DNAH8: variants seen among roughly 807,000 people sequenced by gnomAD.
DNAH8 encodes axonemal beta dynein heavy chain 8.
Under a neutral mutation model 562.1 loss-of-function variants are expected in DNAH8, and 382 were observed. The ratio of observed to expected loss-of-function variants is 0.68; its 90% CI spans 0.63 to 0.74. DNAH8 has a LOEUF of 0.74. DNAH8 is among the 30% of genes least tolerant of loss of function. The probability of loss-of-function intolerance (pLI) is 0.00; values close to 1 mark genes in which losing one functional copy is unlikely to be tolerated. For missense variants in DNAH8, 5,203 were observed against 5,620.4 expected, an observed-to-expected ratio of 0.93 and a Z score of 2.37; for synonymous variants, 1,881 against 1,919.4, an observed-to-expected ratio of 0.98 and a Z score of 0.52.
intron 8 of DNAH8, among the ~76,000 whole-genome samples, chr6:38,742,379 C>G (rs1764588468): frequency 6.6e-6 from 1 of 152,140 alleles, no homozygotes; most frequent in Admixed American, 6.6e-5. Flanking sequence ...CTCACTGCAG[C>G]CTCCACCTCC....
At chr6:39,026,986 T>C (rs1767336822) in intron 92 of DNAH8, among the ~76,000 whole-genome samples, 1 of 152,076 alleles carries the variant, frequency 6.6e-6, no homozygotes, top group Non-Finnish European at 1.5e-5. Context: ...TTTGGGAGGC[T>C]GAGGCAGGAG....
chr6:38,789,311 A>G (rs570194787), intron 18 of DNAH8, among the ~76,000 whole-genome samples: 1 of 152,348 alleles, frequency 6.6e-6, no homozygotes, highest in Admixed American at 6.5e-5. Flanking sequence ...ACAGTGTAGT[A>G]AATTACAAAA....
intron 88 of DNAH8, among the ~76,000 whole-genome samples, chr6:39,004,248 T>G (rs1765661236): frequency 6.6e-6 from 1 of 152,092 alleles, no homozygotes; most frequent in Non-Finnish European, 1.5e-5. Flanking sequence ...TGAACATATT[T>G]ACTTTCCTTT....
chr6:38,875,622 C>G lies in DNAH8; in HGVS notation c.7652C>G (p.Ser2551Cys). Reference sequence around the variant, plus strand: ...AATCTTCTGGAAGGGTTAATTCCCTCCAAAGAAGAAGGCGGTGTTTCCTGT... The same window carrying G: ...AATCTTCTGGAAGGGTTAATTCCCTGCAAAGAAGAAGGCGGTGTTTCCTGT... Reference protein sequence around the residue: ...SLNLLEGLIPSKEEGGVSCVE... With the variant: ...SLNLLEGLIPCKEEGGVSCVE... Residue 2551 changes from serine to cysteine, a missense_variant, in exon 53 of 93, where the codon TCC becomes TGC. Ser to Cys is a moderately radical substitution (Grantham distance 112, BLOSUM62 -1). Around this residue, in one of 6 missense-constraint regions of DNAH8, gnomAD observed 977 missense variants for 1,061.8 expected, o/e 0.92. Coordinates refer to ENST00000327475, the MANE Select transcript of DNAH8 (RefSeq NM_001206927.2). 3.1e-6 allele frequency: 5 copies of G among 1,612,290 alleles called. No individual in the cohort carries two copies. Among genetic ancestry groups the G allele is most frequent in the Non-Finnish European group, 3.4e-6 (4 of 1,178,672 alleles).
At chr6:39,009,610 T>C (rs1230996959) in intron 89 of DNAH8, among the ~76,000 whole-genome samples, 1 of 152,198 alleles carries the variant, frequency 6.6e-6, no homozygotes, top group Non-Finnish European at 1.5e-5. Context: ...CTGTCCGAAG[T>C]GCTTCATACA....
At chr6:38,788,273 T>A (rs1361125492) in intron 18 of DNAH8, among the ~76,000 whole-genome samples, 1 of 152,014 alleles carries the variant, frequency 6.6e-6, no homozygotes, top group Non-Finnish European at 1.5e-5. Flanking sequence ...TGCTTCAGCC[T>A]CCCGAATAGC....
At chr6:38,741,473 A>C (rs1764515429) in intron 7 of DNAH8, among the ~76,000 whole-genome samples, 1 of 149,124 alleles carries the variant, frequency 6.7e-6, no homozygotes, top group Admixed American at 6.7e-5. Flanking sequence ...AAAAAAAAAA[A>C]CCCAAAATAA....
At chr6:38,806,735 C>A (rs1017428857) in intron 23 of DNAH8, among the ~76,000 whole-genome samples, 3 of 151,728 alleles carry the variant, frequency 2.0e-5, no homozygotes, top group African/African-American at 7.3e-5. Context: ...GAGCCGAGAT[C>A]GCGCCACTGC....
intron 82 of DNAH8, among the ~76,000 whole-genome samples, chr6:38,958,158 C>A (rs890399412): frequency 6.9e-6 from 1 of 145,618 alleles, no homozygotes; most frequent in African/African-American, 2.6e-5. Context: ...CCAGCCACCA[C>A]GCCTGACTAA....
At chr6:38,874,089 T>TTTCC (rs1777744050) in intron 52 of DNAH8, among the ~76,000 whole-genome samples, 1 of 127,656 alleles carries the variant, frequency 7.8e-6, no homozygotes, top group African/African-American at 3.0e-5. Flanking sequence ...TCTTTCTTTC[T>TTTCC]TTCTTTCTCT....
At chr6:38,883,236 T>A in intron 54 of DNAH8, 86 bp from the exon 55 acceptor site, 1 of 1,434,712 alleles carries the variant, frequency 7.0e-7, no homozygotes, top group Non-Finnish European at 9.3e-7. Context: ...TGTATTAATT[T>A]ATAGAAGACT....
intron 8 of DNAH8, among the ~76,000 whole-genome samples, chr6:38,749,015 G>T (rs1477346767): frequency 2.6e-5 from 4 of 151,960 alleles, no homozygotes; most frequent in Non-Finnish European, 4.4e-5. Context: ...CACACTGAAG[G>T]CTTCCTTTCA....
intron 17 of DNAH8, among the ~76,000 whole-genome samples, chr6:38,783,968 TG>T (rs1000831240): frequency 2.6e-5 from 4 of 152,032 alleles, no homozygotes; most frequent in African/African-American, 9.7e-5. Flanking sequence ...GGAACGGTGG[TG>T]AGAGGAGTCA....
In DNAH8 at chr6:38,883,936, AG is replaced by A; in HGVS notation, c.8198del (p.Arg2733LysfsTer3). 1 of 1,592,882 alleles carries A rather than the reference AG, an allele frequency of 6.3e-7. No individual in the cohort carries two copies. Among genetic ancestry groups the A allele is most frequent in the Non-Finnish European group, 8.6e-7 (1 of 1,168,202 alleles). ...AAGCACATATGGGCCACCAGGAGGGAGAAAAATGACTGTATTTATTGATGAT... is the reference window on the plus strand; with the variant it reads ...AAGCACATATGGGCCACCAGGAGGGAAAAAATGACTGTATTTATTGATGAT... ...IGSTYGPPGG[R>X]KMTVFIDDIN... On this transcript the variant is annotated frameshift_variant, in exon 56 of 93. Transcript: ENST00000327475. LOFTEE classifies it high-confidence loss of function.
At chr6:38,824,837 C>G (rs1380379203) in intron 28 of DNAH8, among the ~76,000 whole-genome samples, 2 of 151,832 alleles carry the variant, frequency 1.3e-5, no homozygotes, top group African/African-American at 4.8e-5. Flanking sequence ...ACTTGTGATT[C>G]TCTGAGGAAG....
At chr6:38,964,853 G>A (rs898550329) in intron 82 of DNAH8, among the ~76,000 whole-genome samples, 7 of 152,112 alleles carry the variant, frequency 4.6e-5, no homozygotes, top group Non-Finnish European at 8.8e-5. Context: ...TTTGAGGTCA[G>A]GAGTTTGAGA....
chr6:38,836,849 C>T (rs980881720), intron 32 of DNAH8, among the ~76,000 whole-genome samples: 7 of 151,986 alleles, frequency 4.6e-5, no homozygotes, highest in Non-Finnish European at 7.4e-5. Context: ...TATTCCTGTT[C>T]AGCTGATGCT....
chr6:38,931,730 G>T, intron 75 of DNAH8, 81 bp from the exon 76 acceptor site: 1 of 891,906 alleles, frequency 1.1e-6, no homozygotes. Flanking sequence ...GCACTGACAG[G>T]TAAATTCTTT....
chr6:38,787,050 C>A, intron 18 of DNAH8, 98 bp downstream of exon 18: 1 of 635,284 alleles, frequency 1.6e-6, no homozygotes, highest in Non-Finnish European at 2.3e-6. Context: ...TGCTTCATGG[C>A]ATTGAGGGAA....
Sources: gnomAD v4.1 joint callset for allele counts (sites outside exome capture counted in the v4.1 genomes callset) on GRCh38, gnomAD v4.1.1 for gene constraint, gnomAD v4.1.1 regional missense constraint, MANE v1.5 for transcripts, NCBI Gene and HGNC (gene_info 2026-07-23, HGNC 2026-07-21) for gene names.